Variants in LUZP2 observed in about 807,000 individuals in gnomAD.
LUZP2 encodes the protein leucine zipper protein 2.
In LUZP2, 52 loss-of-function variants were observed where a neutral mutation model predicts 51.6. The observed-to-expected ratio is 1.01, with a 90% CI of 0.81 to 1.27. The LOEUF (loss-of-function observed/expected upper bound fraction) is 1.27, where lower values mean the gene tolerates loss of function less well. Among genes scored for constraint, LUZP2 ranks in the 50% most tolerant of loss-of-function variants. The pLI is 0.00. For synonymous variants in LUZP2, 154 were observed against 137.3 expected (o/e 1.12, Z -0.85); for missense variants, 436 against 395.4 (o/e 1.10, Z -0.87).
intron 5 of LUZP2, among the ~76,000 whole-genome samples, chr11:24,826,310 C>G (rs1257985313): frequency 6.7e-6 from 1 of 149,092 alleles, no homozygotes; most frequent in Non-Finnish European, 1.5e-5. Context: ...TCTTATAGAT[C>G]TTGACTATGA....
At chr11:24,670,445 T>G (rs1856367062) in intron 1 of LUZP2, among the ~76,000 whole-genome samples, 2 of 152,150 alleles carry the variant, frequency 1.3e-5, no homozygotes, top group Admixed American at 6.5e-5. Context: ...GTATGTAAAC[T>G]TAGGCCCGGT....
intron 1 of LUZP2, among the ~76,000 whole-genome samples, chr11:24,498,916 G>A (rs914161681): frequency 1.3e-5 from 2 of 152,140 alleles, no homozygotes; most frequent in African/African-American, 2.4e-5. Flanking sequence ...AGTTCCAAAA[G>A]TACATTTGCT....
chr11:24,774,524 TAGAATATATATAA>T (rs1171043588), intron 5 of LUZP2, among the ~76,000 whole-genome samples: 139 of 92,922 alleles, frequency 1.5e-3, no homozygotes, highest in Middle Eastern at 8.9e-3. Flanking sequence ...TATATATATG[TAGAATATATATAA>T]AGAATATATA....
At chr11:24,710,306 T>C (rs1025151457) in intron 1 of LUZP2, among the ~76,000 whole-genome samples, 7 of 152,152 alleles carry the variant, frequency 4.6e-5, no homozygotes, top group African/African-American at 1.4e-4. Flanking sequence ...TTAGAGTTTT[T>C]CTCTGGCTAG....
intron 2 of LUZP2, 83 bp downstream of exon 2, chr11:24,729,369 A>T (rs1353950145): frequency 1.5e-6 from 1 of 677,472 alleles, no homozygotes; most frequent in African/African-American, 1.8e-5. Flanking sequence ...ATTTTTAAAT[A>T]GTTTTTAATG....
chr11:24,529,498 A>C (rs766080805), intron 1 of LUZP2, among the ~76,000 whole-genome samples: 2 of 150,714 alleles, frequency 1.3e-5, no homozygotes, highest in Admixed American at 6.7e-5. Flanking sequence ...TTAGAGTATA[A>C]ATACAAATAT....
At chr11:24,528,332 CA>C (rs758744506) in intron 1 of LUZP2, among the ~76,000 whole-genome samples, 2 of 150,902 alleles carry the variant, frequency 1.3e-5, no homozygotes, top group Non-Finnish European at 3.0e-5. Flanking sequence ...TACTCATGTA[CA>C]AAAACCTCTA....
chr11:24,557,191 C>T (rs1851895563), intron 1 of LUZP2, among the ~76,000 whole-genome samples: 1 of 147,990 alleles, frequency 6.8e-6, no homozygotes. Context: ...GGTGCTGTGA[C>T]AACCTGAGTC....
In LUZP2 at chr11:25,049,874, T is replaced by A. The variant is rs149158459; in HGVS notation, c.766-164T>A. On this transcript the variant is annotated intron_variant, in intron 9 of 11. Coordinates refer to ENST00000336930, the MANE Select transcript of LUZP2 (RefSeq NM_001009909.4). ...GAATTTTTCAAGGTATATTTTATGG[T>A]CTCTGATATATACAAATTTCCATTT... is the stretch of plus-strand genomic sequence containing the variant. 1.3e-3 allele frequency among the ~76,000 whole-genome samples: 194 copies of A among 152,256 alleles called. 2 individuals carry two copies. The highest frequency in any genetic ancestry group is 4.5e-3 in the African/African-American group (185 of 41,562).
At position 24,497,156 on chromosome 11, in the gene LUZP2, G is replaced by A. The variant is rs1849849284; in HGVS notation, c.-88G>A. On this transcript the variant is annotated 5_prime_UTR_variant, in exon 1 of 12. Transcript: ENST00000336930. ...TCGGAAGAGCGCTCATCACTGGCTGGGGACAGAGCCGGGCACCAAGGAGCG... is the reference window on the plus strand; with the variant it reads ...TCGGAAGAGCGCTCATCACTGGCTGAGGACAGAGCCGGGCACCAAGGAGCG... 1.6e-6 allele frequency: 2 copies of A among 1,232,848 alleles called. No homozygotes were observed. Among genetic ancestry groups the A allele is most frequent in the Admixed American group, 5.1e-5 (2 of 38,980 alleles). 76.4% of individuals were successfully genotyped at this position (1,232,848 alleles called of 1,614,324 possible).
intron 1 of LUZP2, among the ~76,000 whole-genome samples, chr11:24,638,427 T>C (rs1312351924): frequency 1.3e-5 from 2 of 151,620 alleles, no homozygotes; most frequent in Admixed American, 6.6e-5. Flanking sequence ...AAAATCCAAA[T>C]TCTAGGACAC....
In LUZP2 at chr11:24,833,712, G is replaced by GCACACACACACACACACA. The variant is rs71044309; in HGVS notation, c.396+70406_396+70423dup. ...CCCCCACGCCTGCCACCGCGCGCGC[G>GCACACACACACACACACA]CACACACACACACACACACTTGATT... On this transcript the variant is annotated intron_variant, in intron 5 of 11. Transcript: ENST00000336930. 1.4e-3 allele frequency among the ~76,000 whole-genome samples: 206 copies of GCACACACACACACACACA among 147,226 alleles called. 1 individual carries two copies. Among genetic ancestry groups the GCACACACACACACACACA allele is most frequent in the Middle Eastern group, 0.011 (3 of 280 alleles).
chr11:25,067,878 C>T (rs189061710), intron 10 of LUZP2, among the ~76,000 whole-genome samples: 133 of 152,134 alleles, frequency 8.7e-4, no homozygotes, highest in African/African-American at 3.1e-3. Flanking sequence ...ATGTTTATTG[C>T]AGCACTGTTC....
At chr11:24,644,623 A>T (rs148048980) in intron 1 of LUZP2, among the ~76,000 whole-genome samples, 2 of 152,126 alleles carry the variant, frequency 1.3e-5, no homozygotes, top group African/African-American at 4.8e-5. Flanking sequence ...ATGAAAGTGC[A>T]ATCAAATGGA....
At chr11:24,569,018 C>G (rs1371026647) in intron 1 of LUZP2, among the ~76,000 whole-genome samples, 1 of 151,734 alleles carries the variant, frequency 6.6e-6, no homozygotes, top group East Asian at 1.9e-4. Context: ...AAAGACAAAA[C>G]AAAACAGAAG....
intron 1 of LUZP2, among the ~76,000 whole-genome samples, chr11:24,571,979 T>G (rs1421954839): frequency 6.6e-6 from 1 of 152,014 alleles, no homozygotes; most frequent in Non-Finnish European, 1.5e-5. Context: ...TCTTATAATT[T>G]TATGCTAATA....
At chr11:24,607,561 T>C (rs1214997009) in intron 1 of LUZP2, among the ~76,000 whole-genome samples, 1 of 151,996 alleles carries the variant, frequency 6.6e-6, no homozygotes, top group East Asian at 1.9e-4. Flanking sequence ...AAATATAACT[T>C]GAAATCAGAA....
intron 5 of LUZP2, among the ~76,000 whole-genome samples, chr11:24,842,908 G>A (rs1220932536): frequency 6.6e-6 from 1 of 151,580 alleles, no homozygotes; most frequent in Non-Finnish European, 1.5e-5. Flanking sequence ...AAGCAAAGAA[G>A]TAATAGAGAA....
intron 5 of LUZP2, among the ~76,000 whole-genome samples, chr11:24,888,116 T>C (rs914492481): frequency 6.6e-6 from 1 of 152,174 alleles, no homozygotes. Context: ...ACCTTGAAAA[T>C]TGATTGAGGC....
Sources: gnomAD v4.1 joint callset for allele counts (sites outside exome capture counted in the v4.1 genomes callset) on GRCh38, gnomAD v4.1.1 for gene constraint, MANE v1.5 for transcripts, NCBI Gene and HGNC (gene_info 2026-07-23, HGNC 2026-07-21) for gene names.